The following AXDND1 variants were observed in gnomAD, a reference collection of about 807,000 sequenced individuals.
AXDND1 encodes the protein axonemal dynein light chain domain containing 1, also known as axonemal dynein light chain domain-containing protein 1.
Under a neutral mutation model 137.5 loss-of-function variants are expected in AXDND1, and 110 were observed. That is an observed-to-expected ratio of 0.80 (90% CI 0.69 to 0.94). The LOEUF is 0.94. Ranked by LOEUF, AXDND1 falls within the 40% of genes least tolerant of loss-of-function variation. The probability of loss-of-function intolerance (pLI) is 0.00; values close to 1 mark genes in which losing one functional copy is unlikely to be tolerated. For missense variants in AXDND1, 1,191 were observed against 1,169.8 expected (o/e 1.02, Z -0.26); for synonymous variants, 414 against 399.7 (o/e 1.04, Z -0.43).
rs146897350 is a variant in AXDND1 at position 179,481,469 on chromosome 1, C to T, written c.1998-1659C>T. On this transcript the variant is annotated intron_variant, in intron 17 of 25. Transcript: ENST00000367618. Reference sequence around the variant, plus strand: ...ACGTGTGCATGTGTCTTTATAGCAGCATGATTTAATAATCCTTTGGGTATA... The same window carrying T: ...ACGTGTGCATGTGTCTTTATAGCAGTATGATTTAATAATCCTTTGGGTATA... 5.1e-3 allele frequency among the ~76,000 whole-genome samples: 780 copies of T among 152,306 alleles called. 6 individuals are homozygous for T. Among genetic ancestry groups the T allele is most frequent in the African/African-American group, 0.018 (733 of 41,550 alleles).
At chr1:179,406,312 GAGA>G (rs1415398791) in intron 11 of AXDND1, among the ~76,000 whole-genome samples, 1 of 152,192 alleles carries the variant, frequency 6.6e-6, no homozygotes, top group African/African-American at 2.4e-5. Context: ...ATGTGCTGAT[GAGA>G]AGAATGTGTA....
intron 17 of AXDND1, among the ~76,000 whole-genome samples, chr1:179,471,903 T>A (rs1026206376): frequency 1.3e-5 from 2 of 149,674 alleles, no homozygotes; most frequent in Non-Finnish European, 3.0e-5. Context: ...TTTTTTTTTC[T>A]TTTTTTTTTG....
intron 15 of AXDND1, among the ~76,000 whole-genome samples, chr1:179,437,220 C>G (rs1160175452): frequency 1.3e-5 from 2 of 152,138 alleles, no homozygotes; most frequent in Non-Finnish European, 2.9e-5. Context: ...GTCGGGGGCA[C>G]CTTGCCTCTA....
At chr1:179,413,314 TAAG>T (rs1478802212) in intron 12 of AXDND1, among the ~76,000 whole-genome samples, 1 of 152,180 alleles carries the variant, frequency 6.6e-6, no homozygotes, top group African/African-American at 2.4e-5. Context: ...GTGTAAATCA[TAAG>T]GTTTGGGCTT....
intron 16 of AXDND1, chr1:179,448,618 G>C (rs1344550064): frequency 7.8e-6 from 2 of 255,388 alleles, no homozygotes; most frequent in Non-Finnish European, 1.5e-5. Context: ...CTGCAGCCTG[G>C]GCCCGCCGCC....
Position 179,366,516 on chromosome 1 carries a change from C to T in AXDND1, c.7C>T (p.Leu3Phe), listed in dbSNP as rs1006050261. The T allele has an allele frequency of 5.6e-6, 9 of 1,611,662 alleles. No individual in the cohort carries two copies. The highest frequency in any genetic ancestry group is 7.6e-6 in the Non-Finnish European group (9 of 1,177,966). The change falls in exon 2 of 26, where the codon CTC (leucine) becomes TTC (phenylalanine). Residue 3 changes from leucine (L) to phenylalanine (F), a missense_variant. Leu to Phe is a conservative substitution (Grantham distance 22). Transcript: ENST00000367618. Reference protein sequence around the residue: MSLPKTPSTPLNS... With the variant: MSFPKTPSTPLNS... ...ATAGGAGGCATTGTTTATTATGTCT[C>T]TCCCGAAAACGCCCTCCACCCCGCT... is the stretch of plus-strand genomic sequence containing the variant.
At chr1:179,409,350 G>A (rs187901445) in intron 11 of AXDND1, among the ~76,000 whole-genome samples, 8 of 152,064 alleles carry the variant, frequency 5.3e-5, no homozygotes, top group Non-Finnish European at 8.8e-5. Flanking sequence ...GTTTTTTGGT[G>A]CCACTTTTAG....
intron 16 of AXDND1, chr1:179,456,532 C>T: frequency 1.3e-6 from 1 of 776,430 alleles, no homozygotes; most frequent in Non-Finnish European, 2.4e-6. Context: ...CCCTGTCCAA[C>T]ACTTCCATAG....
At chr1:179,487,057 C>T (rs1666164755) in intron 18 of AXDND1, among the ~76,000 whole-genome samples, 1 of 148,778 alleles carries the variant, frequency 6.7e-6, no homozygotes, top group Non-Finnish European at 1.5e-5. Context: ...TAATAGTTTG[C>T]TGTCTTCAAG....
intron 16 of AXDND1, among the ~76,000 whole-genome samples, chr1:179,464,786 C>CAT (rs1338339524): frequency 6.6e-6 from 1 of 152,200 alleles, no homozygotes; most frequent in East Asian, 1.9e-4. Flanking sequence ...CACATAGTCG[C>CAT]ATATTTCTTG....
Position 179,415,791 on chromosome 1 carries a change from A to G in AXDND1, c.1230+4525A>G, listed in dbSNP as rs562589843. Among the ~76,000 whole-genome samples, 15 of 151,060 alleles carry G rather than the reference A, an allele frequency of 9.9e-5. No homozygotes were observed. The East Asian group carries it at 2.9e-3, about 29-fold the overall frequency. On this transcript the variant is annotated intron_variant, in intron 12 of 25. Transcript: ENST00000367618. Reference sequence around the variant, plus strand: ...GCGATCTCTGCTCGCTGCAACCTCCACCTCCCGGGTTCGTGCCATTCTCCT... The same window carrying G: ...GCGATCTCTGCTCGCTGCAACCTCCGCCTCCCGGGTTCGTGCCATTCTCCT...
At chr1:179,378,562 TG>T in intron 4 of AXDND1, 74 bp from the exon 5 acceptor site, 1 of 1,185,560 alleles carries the variant, frequency 8.4e-7, no homozygotes, top group Non-Finnish European at 1.1e-6. Flanking sequence ...GAAGGATATG[TG>T]TGGATCTCAC....
At chr1:179,507,845 G>A (rs1242523649) in intron 20 of AXDND1, among the ~76,000 whole-genome samples, 1 of 151,850 alleles carries the variant, frequency 6.6e-6, no homozygotes, top group Non-Finnish European at 1.5e-5. Context: ...GTGAAGTTAG[G>A]ACTAAAACCC....
chr1:179,447,993 G>T, intron 16 of AXDND1: 1 of 1,416,390 alleles, frequency 7.1e-7, no homozygotes, highest in Non-Finnish European at 1.0e-6. Flanking sequence ...CTGGGTTAGT[G>T]TAGGACAAAG....
At chr1:179,452,529 A>G (rs1173272129) in intron 16 of AXDND1, 1 of 147,174 alleles carries the variant, frequency 6.8e-6, no homozygotes, top group Non-Finnish European at 1.5e-5. Context: ...TCTACTAAAA[A>G]TACAAAAAAT....
chr1:179,552,925 C>T (rs1384457550), intron 25 of AXDND1, among the ~76,000 whole-genome samples: 1 of 152,208 alleles, frequency 6.6e-6, no homozygotes, highest in Non-Finnish European at 1.5e-5. Context: ...ATTATCAGCA[C>T]AGCAGGTTTT....
chr1:179,376,754 G>C (rs1647330052), intron 4 of AXDND1, among the ~76,000 whole-genome samples: 2 of 151,914 alleles, frequency 1.3e-5, no homozygotes, highest in Non-Finnish European at 2.9e-5. Flanking sequence ...CCTCTATATT[G>C]AAGGCTCCCC....
intron 20 of AXDND1, among the ~76,000 whole-genome samples, chr1:179,500,018 T>C (rs1464136136): frequency 1.3e-5 from 2 of 152,144 alleles, no homozygotes; most frequent in Non-Finnish European, 2.9e-5. Flanking sequence ...ATTCTGTTCT[T>C]ATACAGACTC....
At position 179,468,612 on chromosome 1, in the gene AXDND1, T is replaced by A. The variant is rs368159667; in HGVS notation, c.1968T>A (p.Val656=). Residue 656 remains valine (V), a synonymous_variant, in exon 17 of 26, where the codon GTT becomes GTA. Coordinates refer to ENST00000367618, the MANE Select transcript of AXDND1 (RefSeq NM_144696.6). ...TATTGTTAAACCTTACTGGTATTGT[T>A]CCACAGCACATAGATGTGGATTCTG... is the stretch of plus-strand genomic sequence containing the variant. ...LDILLNLTGI[V]PQHIDVDSVS... The A allele has an allele frequency of 6.6e-5, 107 of 1,611,436 alleles. No homozygotes were observed. The highest frequency in any genetic ancestry group is 1.8e-4 in the Admixed American group (11 of 59,858).
Sources: allele counts gnomAD v4.1 joint callset (sites outside exome capture counted in the v4.1 genomes callset), GRCh38; gene constraint gnomAD v4.1.1; transcripts MANE v1.5; gene names NCBI Gene and HGNC (gene_info 2026-07-23, HGNC 2026-07-21).